The following PBRM1 variants were observed in gnomAD, a reference collection of about 807,000 sequenced individuals.
The protein encoded by PBRM1 is polybromo 1.
A neutral mutation model predicts 194.5 loss-of-function variants in PBRM1; 27 were observed. That is an observed-to-expected ratio of 0.14 (90% CI 0.10 to 0.19). The LOEUF is 0.19. Among genes scored for constraint, PBRM1 ranks in the 10% least tolerant of loss-of-function variants. The probability of loss-of-function intolerance (pLI) is 1.00; values close to 1 mark genes in which losing one functional copy is unlikely to be tolerated. For missense variants in PBRM1, 1,466 were observed against 2,077.2 expected (o/e 0.71, Z 5.72); for synonymous variants, 655 against 693.2 (o/e 0.94, Z 0.87).
At chr3:52,616,933 T>C (rs1436409338) in intron 14 of PBRM1, among the ~76,000 whole-genome samples, 1 of 152,204 alleles carries the variant, frequency 6.6e-6, no homozygotes, top group Non-Finnish European at 1.5e-5. Context: ...ATACATTATC[T>C]CTTTTAAATC....
intron 20 of PBRM1, among the ~76,000 whole-genome samples, chr3:52,580,383 T>C (rs1003144237): frequency 1.3e-5 from 2 of 151,974 alleles, no homozygotes; most frequent in African/African-American, 2.4e-5. Flanking sequence ...TTTTGAGACA[T>C]AGTCTCCCTC....
intron 2 of PBRM1, among the ~76,000 whole-genome samples, chr3:52,672,622 G>A (rs939502668): frequency 2.6e-5 from 4 of 151,144 alleles, no homozygotes; most frequent in Non-Finnish European, 1.5e-5. Flanking sequence ...AGCCTCCCGA[G>A]TAGCTGAGAT....
chr3:52,643,461 T>C, intron 8 of PBRM1, 118 bp from the exon 10 acceptor site: 1 of 701,170 alleles, frequency 1.4e-6, no homozygotes, highest in Non-Finnish European at 2.5e-6. Flanking sequence ...AAAATACTTC[T>C]GAACTTCTAC....
exon 29 of PBRM1, chr3:52,550,602 T>C (rs752122567): frequency 2.6e-6 from 4 of 1,529,288 alleles, no homozygotes; most frequent in Non-Finnish European, 3.5e-6. Flanking sequence ...GATATGGAGG[T>C]GGTGCCTGCT....
intron 7 of PBRM1, among the ~76,000 whole-genome samples, chr3:52,647,673 C>T (rs2096361633): frequency 6.6e-6 from 1 of 151,596 alleles, no homozygotes; most frequent in Non-Finnish European, 1.5e-5. Context: ...CTGACACATG[C>T]TACAAAATGG....
chr3:52,604,615 C>T (rs1423496308), intron 16 of PBRM1, among the ~76,000 whole-genome samples: 1 of 151,974 alleles, frequency 6.6e-6, no homozygotes, highest in Non-Finnish European at 1.5e-5. Context: ...GTCACTTGAG[C>T]CCAGGAGTTC....
intron 17 of PBRM1, among the ~76,000 whole-genome samples, chr3:52,594,837 T>C (rs570437983): frequency 6.6e-6 from 1 of 152,280 alleles, no homozygotes; most frequent in Non-Finnish European, 1.5e-5. Flanking sequence ...GAAGCTTGGT[T>C]TGGCCGGACA....
intron 12 of PBRM1, 25 bp from the exon 14 acceptor site, chr3:52,627,395 T>C (rs1028009816): frequency 1.9e-5 from 27 of 1,434,830 alleles, no homozygotes; most frequent in East Asian, 1.8e-4. Context: ...ATCTCAGGAG[T>C]TGAGCTCATG....
intron 22 of PBRM1, 114 bp from the exon 25 acceptor site, chr3:52,564,347 A>T: frequency 1.3e-6 from 1 of 783,542 alleles, no homozygotes; most frequent in Non-Finnish European, 2.1e-6. Context: ...ACAATTTTAA[A>T]GATATGAAAG....
At chr3:52,615,909 C>G (rs955265693) in intron 14 of PBRM1, among the ~76,000 whole-genome samples, 8 of 152,188 alleles carry the variant, frequency 5.3e-5, no homozygotes, top group Non-Finnish European at 1.0e-4. Flanking sequence ...GAAGCTTAAT[C>G]TATAAAAAAA....
chr3:52,612,683 C>T (rs1387796467), intron 15 of PBRM1, among the ~76,000 whole-genome samples: 3 of 152,050 alleles, frequency 2.0e-5, no homozygotes, highest in African/African-American at 7.2e-5. Flanking sequence ...GCGGACGGAT[C>T]ACTTGAGGTC....
Position 52,654,342 on chromosome 3 carries a change from G to T in PBRM1, c.646-2532C>A, listed in dbSNP as rs147181323. Among the ~76,000 whole-genome samples, 7 of 152,236 alleles carry T rather than the reference G, an allele frequency of 4.6e-5. No individual in the cohort carries two copies. In the East Asian group the frequency reaches 1.2e-3, roughly 25 times the overall value. Reference sequence around the variant, plus strand: ...TTTACTTGGATGAATCTCCATTGCTGCCCCTTCTCTTCACCAGTTCTACTT... The same window carrying T: ...TTTACTTGGATGAATCTCCATTGCTTCCCCTTCTCTTCACCAGTTCTACTT... On this transcript the variant is annotated intron_variant, in intron 5 of 29. Transcript: ENST00000296302.
intron 11 of PBRM1, 80 bp from the exon 13 acceptor site, chr3:52,629,115 C>T: frequency 9.0e-7 from 1 of 1,106,598 alleles, no homozygotes; most frequent in Non-Finnish European, 1.3e-6. Context: ...AATGCAAAAT[C>T]TTGACAAGCA....
chr3:52,651,236 A>G (rs2096484263), intron 6 of PBRM1, among the ~76,000 whole-genome samples: 1 of 152,224 alleles, frequency 6.6e-6, no homozygotes, highest in South Asian at 2.1e-4. Flanking sequence ...GATACAGTGA[A>G]GGGGTAGGGT....
intron 17 of PBRM1, among the ~76,000 whole-genome samples, chr3:52,597,152 C>T (rs980866089): frequency 5.3e-5 from 8 of 152,194 alleles, no homozygotes; most frequent in African/African-American, 1.9e-4. Context: ...CTCTGTGTCA[C>T]ACAGCTGATG....
In PBRM1 at chr3:52,609,527, G is replaced by T; in HGVS notation, c.2353C>A (p.Leu785Ile). The T allele has an allele frequency of 1.9e-6, 3 of 1,613,818 alleles. No homozygotes were observed. Among genetic ancestry groups the T allele is most frequent in the Non-Finnish European group, 2.5e-6 (3 of 1,179,720 alleles). Residue 785 changes from leucine to isoleucine, a missense_variant, in exon 16 of 30, where the codon CTT becomes ATT. Around this residue, in one of 5 missense-constraint regions of PBRM1, gnomAD observed 687 missense variants for 946.2 expected, o/e 0.73. Coordinates refer to ENST00000296302, the Ensembl canonical transcript of PBRM1. This position sits in a 1 kb window ranked among gnomAD's most constrained non-coding sequence, Gnocchi z 4.1. ...TGATGACTCATGACTGACACAAAAA[G>T]ATTGTGGATAAGCTCTTGAATCAGC...
intron 7 of PBRM1, among the ~76,000 whole-genome samples, chr3:52,647,394 G>A (rs1411510293): frequency 8.4e-6 from 1 of 118,962 alleles, no homozygotes; most frequent in Non-Finnish European, 1.6e-5. Flanking sequence ...ACCACACATG[G>A]CCCCGCAATT....
intron 17 of PBRM1, among the ~76,000 whole-genome samples, chr3:52,591,026 T>C (rs2092975099): frequency 6.6e-6 from 1 of 152,218 alleles, no homozygotes. Context: ...GTGGCAATTG[T>C]GAATGACAAT....
At chr3:52,640,029 T>C (rs1412970151) in intron 10 of PBRM1, among the ~76,000 whole-genome samples, 1 of 152,224 alleles carries the variant, frequency 6.6e-6, no homozygotes, top group Non-Finnish European at 1.5e-5. Context: ...TTTGAATTTC[T>C]CTGTAAAGTT....
Sources: allele counts gnomAD v4.1 joint callset (sites outside exome capture counted in the v4.1 genomes callset), GRCh38; gene constraint gnomAD v4.1.1; regional missense constraint gnomAD v4.1.1; non-coding constraint Gnocchi (gnomAD v3.1); transcripts MANE v1.5; gene names NCBI Gene and HGNC (gene_info 2026-07-23, HGNC 2026-07-21).